PPP1R12B: variants seen among roughly 807,000 people sequenced by gnomAD.
PPP1R12B encodes myosin phosphatase target subunit 2.
A neutral mutation model predicts 126.1 loss-of-function variants in PPP1R12B; 76 were observed. The ratio of observed to expected loss-of-function variants is 0.60; its 90% CI spans 0.50 to 0.73. The LOEUF is 0.73. Among genes scored for constraint, PPP1R12B ranks in the 30% least tolerant of loss-of-function variants. The pLI is 0.00. For missense variants in PPP1R12B, 1,052 were observed against 1,205.1 expected, an observed-to-expected ratio of 0.87 and a Z score of 1.88; for synonymous variants, 356 against 434.7, an observed-to-expected ratio of 0.82 and a Z score of 2.25.
intron 13 of PPP1R12B, among the ~76,000 whole-genome samples, chr1:202,466,033 C>T (rs1165794663): frequency 6.6e-6 from 1 of 152,128 alleles, no homozygotes; most frequent in Non-Finnish European, 1.5e-5. Context: ...AAAAATACAC[C>T]TGCACAATGA....
chr1:202,574,925 C>A, intron 23 of PPP1R12B: 1 of 1,333,452 alleles, frequency 7.5e-7, no homozygotes, highest in Non-Finnish European at 1.0e-6. Flanking sequence ...TTTCTTTGTC[C>A]TACTTTTCTC....
In PPP1R12B at chr1:202,471,690, T is replaced by C. The variant is rs373915499; in HGVS notation, c.1851-16843T>C. The stretch of plus-strand genomic sequence containing the variant: ...ACTAGTGAAACAACATTTTCTCTTA[T>C]GTTTATATGCTTTTCTGGTTTCCTT... On this transcript the variant is annotated intron_variant, in intron 13 of 23. Transcript: ENST00000608999. Among the ~76,000 whole-genome samples, 101 of 152,054 alleles carry C rather than the reference T, an allele frequency of 6.6e-4. No homozygotes were observed. The South Asian group carries it at 0.011, about 17-fold the overall frequency.
intron 1 of PPP1R12B, among the ~76,000 whole-genome samples, chr1:202,394,493 G>A (rs1406310337): frequency 3.3e-5 from 5 of 152,014 alleles, no homozygotes; most frequent in Non-Finnish European, 7.4e-5. Context: ...AGTGGCTCAC[G>A]CCTGTAATCC....
intron 2 of PPP1R12B, chr1:202,417,227 G>A (rs1269308631): frequency 8.0e-5 from 79 of 985,092 alleles, no homozygotes; most frequent in South Asian, 9.4e-5. Flanking sequence ...AGCTGGGCAC[G>A]TATACAGGCA....
At chr1:202,513,286 A>G (rs1681751816) in intron 18 of PPP1R12B, among the ~76,000 whole-genome samples, 1 of 152,016 alleles carries the variant, frequency 6.6e-6, no homozygotes, top group African/African-American at 2.4e-5. Context: ...TTTCTTGTTC[A>G]TTATATTTAC....
At chr1:202,527,461 A>G (rs1683464221) in intron 18 of PPP1R12B, 2 of 152,336 alleles carry the variant, frequency 1.3e-5, no homozygotes, top group African/African-American at 4.8e-5. Flanking sequence ...GAGAAAAACT[A>G]TAGGTGAAAA....
intron 12 of PPP1R12B, among the ~76,000 whole-genome samples, chr1:202,445,617 T>C (rs1672127612): frequency 6.6e-6 from 1 of 152,236 alleles, no homozygotes; most frequent in East Asian, 1.9e-4. Flanking sequence ...ATTTAGTCTT[T>C]TAAATGACAT....
At chr1:202,529,987 T>G (rs575893177) in intron 18 of PPP1R12B, among the ~76,000 whole-genome samples, 78 of 152,272 alleles carry the variant, frequency 5.1e-4, no homozygotes, top group Non-Finnish European at 9.3e-4. Flanking sequence ...TACTAAATAT[T>G]TATAGTCTTA....
chr1:202,408,105 A>G (rs1452558040), intron 1 of PPP1R12B, among the ~76,000 whole-genome samples: 1 of 152,122 alleles, frequency 6.6e-6, no homozygotes, highest in Non-Finnish European at 1.5e-5. Flanking sequence ...TGGTATCTGC[A>G]GGGGGTCTTG....
chr1:202,544,871 A>T lies in PPP1R12B; in HGVS notation c.2491-14006A>T, dbSNP rs569172607. Among the ~76,000 whole-genome samples, 11 of 152,370 alleles carry T rather than the reference A, an allele frequency of 7.2e-5. No individual in the cohort carries two copies. The East Asian group carries it at 1.9e-3, about 27-fold the overall frequency. ...TTGATAAATAATTGGATGATAAAGG[A>T]TTGTTGCCTTCATGAGAGCTTGTCT... On this transcript the variant is annotated intron_variant, in intron 18 of 23. Transcript: ENST00000608999.
intron 1 of PPP1R12B, among the ~76,000 whole-genome samples, chr1:202,411,395 A>G (rs1306371028): frequency 5.3e-5 from 8 of 151,892 alleles, no homozygotes; most frequent in African/African-American, 7.3e-5. Context: ...GGTGCATACT[A>G]TTTTATTCAT....
intron 1 of PPP1R12B, among the ~76,000 whole-genome samples, chr1:202,384,071 A>G (rs910581701): frequency 6.6e-6 from 1 of 152,234 alleles, no homozygotes; most frequent in Non-Finnish European, 1.5e-5. Flanking sequence ...GAGGGCATGA[A>G]AAAATTGGAG....
chr1:202,403,570 C>T (rs1436092895), intron 1 of PPP1R12B, among the ~76,000 whole-genome samples: 1 of 152,222 alleles, frequency 6.6e-6, no homozygotes, highest in Non-Finnish European at 1.5e-5. Flanking sequence ...GTATTCATGA[C>T]ACTGACCCAA....
chr1:202,374,796 C>T (rs1045705290), intron 1 of PPP1R12B, among the ~76,000 whole-genome samples: 8 of 152,182 alleles, frequency 5.3e-5, no homozygotes, highest in South Asian at 2.1e-4. Context: ...CCTCTGCCTC[C>T]GCCTCCCAAA....
At chr1:202,403,336 G>A (rs1666125835) in intron 1 of PPP1R12B, among the ~76,000 whole-genome samples, 1 of 152,062 alleles carries the variant, frequency 6.6e-6, no homozygotes, top group Admixed American at 6.6e-5. Context: ...ATACCATATG[G>A]GCCAAACAGT....
Position 202,455,193 on chromosome 1 carries a change from C to CAT in PPP1R12B, c.1850+6034_1850+6035dup, listed in dbSNP as rs199970579. ...TTGAGGAGTAGGTAGGAGCTATATA[C>CAT]ATATATATATATAGAGAGAGAGAGA... On this transcript the variant is annotated intron_variant, in intron 13 of 23. Transcript: ENST00000608999. 3.6e-3 allele frequency among the ~76,000 whole-genome samples: 443 copies of CAT among 124,488 alleles called. 1 individual carries two copies. The East Asian group carries it at 0.059, about 17-fold the overall frequency. 81.7% of individuals were successfully genotyped at this position (124,488 alleles called of 152,430 possible). A position where few individuals can be genotyped will look rare whatever the true frequency, so the allele number is the denominator to read the frequency against.
chr1:202,528,103 A>C (rs376583695), intron 18 of PPP1R12B, among the ~76,000 whole-genome samples: 1 of 152,210 alleles, frequency 6.6e-6, no homozygotes, highest in Non-Finnish European at 1.5e-5. Flanking sequence ...GACCAACAGC[A>C]TGTATCCGTA....
chr1:202,552,377 C>T (rs571217870), intron 18 of PPP1R12B, among the ~76,000 whole-genome samples: 4 of 152,166 alleles, frequency 2.6e-5, no homozygotes, highest in Non-Finnish European at 5.9e-5. Context: ...AATCTTTTCC[C>T]TTAAGATAGA....
intron 23 of PPP1R12B, among the ~76,000 whole-genome samples, chr1:202,571,433 A>G (rs997725128): frequency 7.8e-5 from 11 of 141,420 alleles, no homozygotes; most frequent in African/African-American, 2.5e-4. Flanking sequence ...AGCTGTTGTG[A>G]GGCTGTTTTT....
Sources: allele counts gnomAD v4.1 joint callset (sites outside exome capture counted in the v4.1 genomes callset), GRCh38; gene constraint gnomAD v4.1.1; transcripts MANE v1.5; gene names NCBI Gene and HGNC (gene_info 2026-07-23, HGNC 2026-07-21).